NRXN3: variants seen among roughly 807,000 people sequenced by gnomAD.
The protein encoded by NRXN3 is neurexin III.
NRXN3 carries 32 observed loss-of-function variants against 137.6 expected under a neutral mutation model. The ratio of observed to expected loss-of-function variants is 0.23; its 90% CI spans 0.18 to 0.31. The LOEUF is 0.31. Among genes scored for constraint, NRXN3 ranks in the 10% least tolerant of loss-of-function variants. NRXN3 has a pLI of 1.00. For synonymous variants in NRXN3, 798 were observed against 784.5 expected (o/e 1.02, Z -0.29); for missense variants, 1,574 against 2,062.5 (o/e 0.76, Z 4.59).
chr14:78,247,877 A>G (rs956731734), intron 2 of NRXN3, among the ~76,000 whole-genome samples: 2 of 152,174 alleles, frequency 1.3e-5, no homozygotes, highest in African/African-American at 4.8e-5. Context: ...TGAAGAATTG[A>G]TTTGGTGCTA....
chr14:79,058,001 A>G (rs1353674339), intron 15 of NRXN3, among the ~76,000 whole-genome samples: 1 of 152,214 alleles, frequency 6.6e-6, no homozygotes, highest in Admixed American at 6.5e-5. Flanking sequence ...AGAGCAATTG[A>G]TAATTATTTT....
At chr14:79,434,882 C>G (rs977074205) in intron 15 of NRXN3, among the ~76,000 whole-genome samples, 1 of 152,158 alleles carries the variant, frequency 6.6e-6, no homozygotes, top group Non-Finnish European at 1.5e-5. Context: ...GTCTTTGTAC[C>G]TCCCGTGCCC....
intron 15 of NRXN3, among the ~76,000 whole-genome samples, chr14:78,989,900 A>G (rs965547939): frequency 4.6e-5 from 7 of 152,174 alleles, no homozygotes; most frequent in African/African-American, 1.7e-4. Context: ...GAAGGTAGGT[A>G]TGTCTTTTTC....
intron 15 of NRXN3, among the ~76,000 whole-genome samples, chr14:79,308,892 T>C (rs2086642822): frequency 7.2e-6 from 1 of 138,856 alleles, no homozygotes; most frequent in Non-Finnish European, 1.5e-5. Flanking sequence ...TTTATTTTAT[T>C]TTTTTTTATT....
intron 6 of NRXN3, among the ~76,000 whole-genome samples, chr14:78,686,226 G>T (rs74066336): frequency 0.039 from 5,964 of 152,184 alleles, 374 homozygotes; most frequent in African/African-American, 0.13. Flanking sequence ...CTCTGGCATG[G>T]CTTCCACATT....
At chr14:78,211,859 G>C (rs74063988) in intron 1 of NRXN3, among the ~76,000 whole-genome samples, 2 of 152,314 alleles carry the variant, frequency 1.3e-5, no homozygotes, top group Admixed American at 6.5e-5. Context: ...GGGAATCACT[G>C]TTGTCTTCAT....
chr14:79,514,721 C>T (rs910256782), intron 16 of NRXN3, among the ~76,000 whole-genome samples: 2 of 152,114 alleles, frequency 1.3e-5, no homozygotes, highest in African/African-American at 4.8e-5. Context: ...AACCATGGCT[C>T]ACCTGGTCAG....
At chr14:79,469,453 G>A (rs2096470824) in intron 16 of NRXN3, among the ~76,000 whole-genome samples, 1 of 152,142 alleles carries the variant, frequency 6.6e-6, no homozygotes, top group South Asian at 2.1e-4. Flanking sequence ...CATACTTTGA[G>A]ATTCAGGTAA....
intron 4 of NRXN3, among the ~76,000 whole-genome samples, chr14:78,348,116 A>G (rs1335842492): frequency 2.0e-5 from 3 of 152,186 alleles, no homozygotes; most frequent in Non-Finnish European, 4.4e-5. Flanking sequence ...CATGGCATCA[A>G]AGCTCATGTT....
intron 16 of NRXN3, among the ~76,000 whole-genome samples, chr14:79,582,586 A>T (rs558025143): frequency 2.7e-5 from 4 of 146,194 alleles, no homozygotes; most frequent in African/African-American, 1.0e-4. Flanking sequence ...ACGCCCAGCA[A>T]TTTTTTTTTT....
In NRXN3 at chr14:78,216,695, G is replaced by A. The variant is rs140474430; in HGVS notation, c.-703-25696G>A. Reference sequence around the variant, plus strand: ...GCTCTAACAAAGTACCAGCAACTGGGTGGCTTAAGACAACAAAAATTTATT... The same window carrying A: ...GCTCTAACAAAGTACCAGCAACTGGATGGCTTAAGACAACAAAAATTTATT... On this transcript the variant is annotated intron_variant, in intron 1 of 20. Coordinates refer to ENST00000335750, the MANE Select transcript of NRXN3 (RefSeq NM_001330195.2). Among the ~76,000 whole-genome samples, 567 of 152,346 alleles carry A rather than the reference G, an allele frequency of 3.7e-3. 4 individuals carry two copies. Among genetic ancestry groups the A allele is most frequent in the African/African-American group, 0.013 (546 of 41,586 alleles).
intron 10 of NRXN3, among the ~76,000 whole-genome samples, chr14:78,835,961 A>T (rs949407857): frequency 1.3e-5 from 2 of 152,072 alleles, no homozygotes; most frequent in Non-Finnish European, 2.9e-5. Flanking sequence ...AACACCTCTA[A>T]TTACAGGGTT....
At chr14:79,464,143 G>A (rs1242171757) in intron 15 of NRXN3, among the ~76,000 whole-genome samples, 1 of 152,102 alleles carries the variant, frequency 6.6e-6, no homozygotes, top group Non-Finnish European at 1.5e-5. Context: ...ATGTCCCACA[G>A]TATTGGACTA....
At chr14:79,541,422 C>T (rs903338569) in intron 16 of NRXN3, among the ~76,000 whole-genome samples, 3 of 152,158 alleles carry the variant, frequency 2.0e-5, no homozygotes, top group African/African-American at 4.8e-5. Context: ...AGATACTTGC[C>T]ATTGGATTCA....
intron 15 of NRXN3, among the ~76,000 whole-genome samples, chr14:79,185,615 G>A (rs1055507217): frequency 1.8e-4 from 27 of 152,036 alleles, no homozygotes; most frequent in South Asian, 2.1e-4. Flanking sequence ...ACAGGCGCCC[G>A]CCACCACGCC....
At chr14:79,284,343 C>CATACATATATATATATATAT (rs1177586135) in intron 15 of NRXN3, among the ~76,000 whole-genome samples, 1 of 65,084 alleles carries the variant, frequency 1.5e-5, no homozygotes, top group African/African-American at 5.2e-5. Context: ...ACTAAAAATA[C>CATACATATATATATATATAT]ATATATATAT....
intron 15 of NRXN3, among the ~76,000 whole-genome samples, chr14:79,385,371 C>T (rs145606887): frequency 0.021 from 3,151 of 151,534 alleles, 52 homozygotes; most frequent in East Asian, 0.043. Flanking sequence ...CATCCATGTC[C>T]CTACAAAGGA....
At chr14:79,001,463 A>G (rs1388534856) in intron 15 of NRXN3, among the ~76,000 whole-genome samples, 1 of 152,048 alleles carries the variant, frequency 6.6e-6, no homozygotes, top group East Asian at 1.9e-4. Context: ...ATGGCTTTCT[A>G]TATTCTAATA....
chr14:79,031,380 G>A (rs1568048871), intron 15 of NRXN3, among the ~76,000 whole-genome samples: 1 of 152,098 alleles, frequency 6.6e-6, no homozygotes, highest in South Asian at 2.1e-4. Flanking sequence ...GAATCAATTT[G>A]TTCTCAAAGC....
Sources: allele counts gnomAD v4.1 joint callset (sites outside exome capture counted in the v4.1 genomes callset), GRCh38; gene constraint gnomAD v4.1.1; transcripts MANE v1.5; gene names NCBI Gene and HGNC (gene_info 2026-07-23, HGNC 2026-07-21).